The following PCNX2 variants were observed in gnomAD, a reference collection of about 807,000 sequenced individuals.
PCNX2 encodes the protein pecanex-like protein 2.
Under a neutral mutation model 223.8 loss-of-function variants are expected in PCNX2, and 168 were observed. That is an observed-to-expected ratio of 0.75 (90% CI 0.66 to 0.85). The LOEUF (loss-of-function observed/expected upper bound fraction) is 0.85. Ranked by LOEUF, PCNX2 falls within the 40% of genes least tolerant of loss-of-function variation. The pLI is 0.00. For synonymous variants in PCNX2, 1,006 were observed against 1,052.6 expected (o/e 0.96, Z 0.86); for missense variants, 2,507 against 2,675.5 (o/e 0.94, Z 1.39).
At chr1:233,288,784 C>T (rs1661586089) in intron 1 of PCNX2, 1 of 684,608 alleles carries the variant, frequency 1.5e-6, no homozygotes, top group Non-Finnish European at 2.4e-6. Context: ...TTTGGAGGCC[C>T]AGGACCCAGG....
intron 25 of PCNX2, among the ~76,000 whole-genome samples, chr1:233,038,990 T>C (rs965967553): frequency 6.6e-6 from 1 of 152,206 alleles, no homozygotes; most frequent in Non-Finnish European, 1.5e-5. Context: ...TCAATGTTCA[T>C]TCTATAAGAG....
chr1:233,087,018 T>G, intron 23 of PCNX2: 3 of 985,212 alleles, frequency 3.0e-6, no homozygotes, highest in Non-Finnish European at 3.6e-6. Context: ...GGGACACATT[T>G]GTCATATGCC....
At chr1:233,274,327 C>T (rs1380010851) in intron 1 of PCNX2, among the ~76,000 whole-genome samples, 2 of 152,150 alleles carry the variant, frequency 1.3e-5, no homozygotes, top group Admixed American at 1.3e-4. Flanking sequence ...GCAGGACATT[C>T]AATAGCATCC....
At chr1:233,327,314 T>C in the PCNX2 span, among the ~76,000 whole-genome samples, 533 of 151,316 alleles carry the variant, frequency 3.5e-3, 3 homozygotes, top group Middle Eastern at 0.01. Context: ...CGGCTCACCA[T>C]TGCTCCGGAG....
chr1:233,198,923 T>C lies in PCNX2; in HGVS notation c.3066+16A>G, dbSNP rs1401021966. On this transcript the variant is annotated intron_variant, in intron 15 of 33. Transcript: ENST00000258229. ...ATGAATCGAGAAGGATGAGGGCCCA[T>C]GGTCCTCACACCTACCTTCACTGCA... 1 of 1,577,888 alleles carries C rather than the reference T, an allele frequency of 6.3e-7. No individual in the cohort carries two copies.
intron 19 of PCNX2, among the ~76,000 whole-genome samples, chr1:233,152,765 A>G (rs1398719159): frequency 6.6e-6 from 1 of 152,224 alleles, no homozygotes; most frequent in Non-Finnish European, 1.5e-5. Flanking sequence ...CTCCCAAGGC[A>G]CAAAGTCAGG....
intron 7 of PCNX2, 91 bp from the exon 8 acceptor site, chr1:233,250,923 C>T (rs1659413281): frequency 7.3e-7 from 1 of 1,370,180 alleles, no homozygotes; most frequent in Non-Finnish European, 9.8e-7. Flanking sequence ...TAAAAGGAAA[C>T]TTATTTTGGT....
intron 2 of PCNX2, 147 bp from the exon 3 acceptor site, chr1:233,262,312 G>A (rs1217251754): frequency 1.7e-5 from 18 of 1,032,624 alleles, no homozygotes; most frequent in Non-Finnish European, 2.3e-5. Flanking sequence ...GTTGTTAAGA[G>A]ACAGGGCTTC....
intron 26 of PCNX2, 92 bp downstream of exon 26, chr1:233,025,054 G>A: frequency 6.6e-7 from 1 of 1,514,642 alleles, no homozygotes. Context: ...AGGATGACAG[G>A]CTTCAAAATT....
the PCNX2 span, among the ~76,000 whole-genome samples, chr1:233,323,465 G>A: frequency 2.0e-5 from 3 of 152,184 alleles, no homozygotes; most frequent in Admixed American, 2.0e-4. Flanking sequence ...GAAGGTGTGT[G>A]GCAACACTCC....
rs1271497353 is a variant in PCNX2, at chr1:233,202,815, C to CA, written c.2864-2552dup. ...CTCCCAGGTCTGAAAAAAGCAAAAACAAAAAAACACAGAGCAGAGGCCATT... is the reference window on the plus strand; with the variant it reads ...CTCCCAGGTCTGAAAAAAGCAAAAACAAAAAAAACACAGAGCAGAGGCCATT... On this transcript the variant is annotated intron_variant, in intron 13 of 33. Transcript: ENST00000258229. Among the ~76,000 whole-genome samples the CA allele has an allele frequency of 3.9e-5, 6 of 152,106 alleles. No individual in the cohort carries two copies. The East Asian group carries it at 1.2e-3, about 29-fold the overall frequency.
chr1:233,008,064 G>T (rs2102807561), intron 28 of PCNX2, among the ~76,000 whole-genome samples: 1 of 152,260 alleles, frequency 6.6e-6, no homozygotes, highest in Admixed American at 6.5e-5. Context: ...AATACTGAAA[G>T]CACTGTGAGT....
intron 23 of PCNX2, among the ~76,000 whole-genome samples, chr1:233,081,929 T>C (rs1313081377): frequency 6.6e-6 from 1 of 152,190 alleles, no homozygotes; most frequent in African/African-American, 2.4e-5. Flanking sequence ...CACAGGGCTC[T>C]TGTGATGGTG....
At chr1:233,210,747 T>A (rs754146439) in intron 12 of PCNX2, among the ~76,000 whole-genome samples, 1 of 152,208 alleles carries the variant, frequency 6.6e-6, no homozygotes, top group Non-Finnish European at 1.5e-5. Flanking sequence ...CTGATCATAA[T>A]CTCTTAAAAA....
chr1:233,053,224 G>A (rs942135350), intron 25 of PCNX2, among the ~76,000 whole-genome samples: 18 of 151,834 alleles, frequency 1.2e-4, no homozygotes, highest in Admixed American at 2.6e-4. Flanking sequence ...TCAAGTTGCC[G>A]CAAGCGCTGG....
At chr1:233,171,698 A>C (rs1012046704) in intron 17 of PCNX2, among the ~76,000 whole-genome samples, 1 of 152,144 alleles carries the variant, frequency 6.6e-6, no homozygotes, top group African/African-American at 2.4e-5. Context: ...GATTCACTGA[A>C]ATTCCTGAAT....
the PCNX2 span, among the ~76,000 whole-genome samples, chr1:233,303,784 G>T: frequency 6.6e-6 from 1 of 152,072 alleles, no homozygotes; most frequent in Non-Finnish European, 1.5e-5. Flanking sequence ...TGATATTAAT[G>T]CAGTCACCTC....
chr1:233,124,218 T>A (rs1360867917), intron 21 of PCNX2, among the ~76,000 whole-genome samples: 1 of 152,210 alleles, frequency 6.6e-6, no homozygotes. Flanking sequence ...TTAAGTTTTA[T>A]CAGAGCAGAT....
At chr1:233,080,647 C>T (rs1396982860) in intron 23 of PCNX2, among the ~76,000 whole-genome samples, 3 of 152,036 alleles carry the variant, frequency 2.0e-5, no homozygotes, top group African/African-American at 7.2e-5. Context: ...GGCTAGAGAG[C>T]TCTCTGGGGT....
Sources: gnomAD v4.1 joint callset for allele counts (sites outside exome capture counted in the v4.1 genomes callset) on GRCh38, gnomAD v4.1.1 for gene constraint, MANE v1.5 for transcripts, NCBI Gene and HGNC (gene_info 2026-07-23, HGNC 2026-07-21) for gene names.